Variants in NOMO1 observed in about 807,000 individuals in gnomAD.
NOMO1 encodes NODAL modulator 1.
In NOMO1, 40 loss-of-function variants were observed where a neutral mutation model predicts 133.8. The ratio of observed to expected loss-of-function variants is 0.30; its 90% CI spans 0.23 to 0.39. The LOEUF is 0.39. Among genes scored for constraint, NOMO1 ranks in the 10% least tolerant of loss-of-function variants. The pLI is 1.00. For synonymous variants in NOMO1, 236 were observed against 570.5 expected (o/e 0.41, Z 8.36); for missense variants, 462 against 1,419.9 (o/e 0.33, Z 10.84).
chr16:14,837,340 G>A (rs1963533393), intron 1 of NOMO1, among the ~76,000 whole-genome samples: 1 of 152,086 alleles, frequency 6.6e-6, no homozygotes, highest in Non-Finnish European at 1.5e-5. Flanking sequence ...TCCATATTCT[G>A]TAGCAGGTGC....
At chr16:14,866,337 G>T (rs1394121016) in intron 14 of NOMO1, among the ~76,000 whole-genome samples, 31 of 150,822 alleles carry the variant, frequency 2.1e-4, no homozygotes, top group African/African-American at 7.6e-4. Flanking sequence ...TGGGATTATA[G>T]GCATGAGCCA....
At chr16:14,866,427 C>A in intron 14 of NOMO1, 128 bp from the exon 15 acceptor site, 1 of 1,548,172 alleles carries the variant, frequency 6.5e-7, no homozygotes, top group Non-Finnish European at 8.8e-7. Flanking sequence ...GTGTATATTT[C>A]TATCTTTATG....
intron 9 of NOMO1, 94 bp from the exon 10 acceptor site, chr16:14,857,123 C>T (rs1473951906): frequency 3.2e-6 from 5 of 1,561,334 alleles, no homozygotes; most frequent in Non-Finnish European, 3.5e-6. Flanking sequence ...CAGGAGCAGA[C>T]ATGGTAGGTG....
At chr16:14,841,903 T>TGAGGA (rs1963608718) in intron 3 of NOMO1, among the ~76,000 whole-genome samples, 1 of 151,656 alleles carries the variant, frequency 6.6e-6, no homozygotes, top group Non-Finnish European at 1.5e-5. Context: ...ACTTCCCCCG[T>TGAGGA]GTCAGCCTGG....
chr16:14,854,253 A>G (rs898736262), intron 9 of NOMO1, among the ~76,000 whole-genome samples: 8 of 119,816 alleles, frequency 6.7e-5, no homozygotes, highest in Non-Finnish European at 1.0e-4. Flanking sequence ...TGCCAGTGAC[A>G]TGCATTTCAG....
chr16:14,837,464 C>G (rs1401801986), intron 1 of NOMO1, among the ~76,000 whole-genome samples: 3 of 152,090 alleles, frequency 2.0e-5, no homozygotes, highest in Non-Finnish European at 4.4e-5. Context: ...GTGGAAGACT[C>G]AGATGGCATT....
At chr16:14,866,373 A>C (rs1434410709) in intron 14 of NOMO1, among the ~76,000 whole-genome samples, 182 bp from the exon 15 acceptor site, 1 of 151,216 alleles carries the variant, frequency 6.6e-6, no homozygotes, top group East Asian at 2.0e-4. Context: ...GGTTTTCTTT[A>C]GCAGTAATTT....
chr16:14,867,163 TATATATATATATA>T (rs1334490740), intron 15 of NOMO1, among the ~76,000 whole-genome samples: 3 of 23,158 alleles, frequency 1.3e-4, no homozygotes, highest in East Asian at 6.0e-4. Flanking sequence ...TATATATATA[TATATATATATATA>T]TTTTTTTTTT....
intron 3 of NOMO1, among the ~76,000 whole-genome samples, chr16:14,842,931 AT>A (rs1467512882): frequency 6.6e-6 from 1 of 150,548 alleles, no homozygotes; most frequent in African/African-American, 2.4e-5. Flanking sequence ...ATTTTATTTT[AT>A]TTTTTCTTTT....
At position 14,875,181 on chromosome 16, in the gene NOMO1, AC is replaced by A. The variant is rs772808812; in HGVS notation, c.2202del (p.Lys735SerfsTer8). On this transcript the variant is annotated frameshift_variant, in exon 19 of 31. Transcript: ENST00000287667. LOFTEE classifies it high-confidence loss of function. ...NGNEEGEERM[T>X]KPPVQEMVDE... ...CAATGAGGAAGGCGAAGAAAGAATG[AC>A]CAAGCCTCCCGTGCAGGAGATGGTA... 1.2e-6 allele frequency: 2 copies of A among 1,613,616 alleles called. No homozygotes were observed. The highest frequency in any genetic ancestry group is 2.7e-5 in the African/African-American group (2 of 74,776).
intron 24 of NOMO1, among the ~76,000 whole-genome samples, chr16:14,881,222 G>T (rs1296489310): frequency 6.6e-6 from 1 of 152,012 alleles, no homozygotes; most frequent in Admixed American, 6.5e-5. Context: ...AGTGAAAGAG[G>T]AAGTGAGTTA....
At chr16:14,862,342 A>T (rs572848704) in intron 11 of NOMO1, 2 of 152,912 alleles carry the variant, frequency 1.3e-5, no homozygotes, top group African/African-American at 4.8e-5. Flanking sequence ...TATTCGAGGG[A>T]TGCCTTGCAA....
At chr16:14,883,341 T>G (rs1385134622) in intron 26 of NOMO1, among the ~76,000 whole-genome samples, 1 of 147,422 alleles carries the variant, frequency 6.8e-6, no homozygotes, top group Non-Finnish European at 1.5e-5. Flanking sequence ...TTCTTTTTCT[T>G]TTTTTTTTTT....
chr16:14,883,622 G>A (rs185994639), intron 26 of NOMO1, among the ~76,000 whole-genome samples: 35 of 151,630 alleles, frequency 2.3e-4, no homozygotes, highest in Non-Finnish European at 3.4e-4. Context: ...ATGAGCCACC[G>A]CACTGGGCCG....
intron 28 of NOMO1, among the ~76,000 whole-genome samples, chr16:14,887,303 T>C (rs1289946622): frequency 6.6e-6 from 1 of 151,736 alleles, no homozygotes; most frequent in Non-Finnish European, 1.5e-5. Flanking sequence ...CTTTCTTTTT[T>C]TTTTTTTTGA....
chr16:14,879,785 A>G (rs1234461932), intron 23 of NOMO1, among the ~76,000 whole-genome samples: 4 of 149,434 alleles, frequency 2.7e-5, no homozygotes, highest in Admixed American at 2.0e-4. Context: ...TATGACTTCT[A>G]CCTCTCTGAG....
intron 16 of NOMO1, among the ~76,000 whole-genome samples, chr16:14,870,755 T>TA (rs1248949142): frequency 1.4e-5 from 2 of 147,604 alleles, no homozygotes; most frequent in East Asian, 4.2e-4. Flanking sequence ...CCACAATTGA[T>TA]ATGTTTGTGG....
intron 1 of NOMO1, among the ~76,000 whole-genome samples, chr16:14,836,694 CTTTT>C (rs954619401): frequency 7.6e-6 from 1 of 131,266 alleles, no homozygotes; most frequent in African/African-American, 2.9e-5. Context: ...TTCCATTTTA[CTTTT>C]TTTTTTTTTT....
intron 27 of NOMO1, 113 bp downstream of exon 27, chr16:14,884,595 A>C: frequency 6.5e-7 from 1 of 1,535,348 alleles, no homozygotes; most frequent in Non-Finnish European, 8.9e-7. Flanking sequence ...TGACAGGTGG[A>C]GGTGCTCCAG....
Sources: allele counts gnomAD v4.1 joint callset (sites outside exome capture counted in the v4.1 genomes callset), GRCh38; gene constraint gnomAD v4.1.1; transcripts MANE v1.5; gene names NCBI Gene and HGNC (gene_info 2026-07-23, HGNC 2026-07-21).